The following CTLA4 variants were observed in gnomAD, a reference collection of about 807,000 sequenced individuals.
CTLA4 encodes cytotoxic T-lymphocyte associated protein 4.
A neutral mutation model predicts 20.4 loss-of-function variants in CTLA4; 3 were observed. That is an observed-to-expected ratio of 0.15 (90% confidence interval 0.07 to 0.38). CTLA4 has a LOEUF of 0.38. CTLA4 is among the 10% of genes least tolerant of loss of function. The pLI is 1.00. For missense variants in CTLA4, 184 were observed against 276.8 expected (o/e 0.66, Z 2.38); for synonymous variants, 100 against 105.2 (o/e 0.95, Z 0.30).
Position 203,870,241 on chromosome 2 carries a change from A to C in CTLA4, c.110-345A>C, listed in dbSNP as rs1307009840. ...TCATCTCATCTAATTATCTCTTACT[A>C]TATGTGAAAAAAATGAAGGACATGG... is the stretch of plus-strand genomic sequence containing the variant. On this transcript the variant is annotated intron_variant, in intron 1 of 3. Coordinates refer to ENST00000648405, the MANE Select transcript of CTLA4 (RefSeq NM_005214.5). The surrounding 1 kb of genome is among the most constrained non-coding windows in gnomAD (Gnocchi z 5.3). 3.0e-6 allele frequency: 1 copy of C among 331,182 alleles called. No individual in the cohort carries two copies. Among genetic ancestry groups the C allele is most frequent in the Non-Finnish European group, 5.7e-6 (1 of 176,282 alleles). The allele number at this position is 331,182 out of a possible 1,614,324, so 20.5% of individuals were successfully genotyped here. A position where few individuals can be genotyped will look rare whatever the true frequency, so the allele number is the denominator to read the frequency against.
rs1559592810 is a variant in CTLA4 at position 203,873,357 on chromosome 2, TATATATATATATATATATATATA to T, written c.*546_*568del. The T allele has an allele frequency of 1.1e-4, 6 of 54,424 alleles. No homozygotes were observed. The highest frequency in any genetic ancestry group is 4.5e-4 in the East Asian group (2 of 4,398). The allele number at this position is 54,424 out of a possible 1,614,324, so 3.4% of individuals were successfully genotyped here. A position where few individuals can be genotyped will look rare whatever the true frequency, so the allele number is the denominator to read the frequency against. ...ATATATATATATATATATATATATA[TATATATATATATATATATATATA>T]TATTTTAATTTGATAGTATTGTGCA... On this transcript the variant is annotated 3_prime_UTR_variant, in exon 4 of 4. Coordinates refer to ENST00000648405, the MANE Select transcript of CTLA4 (RefSeq NM_005214.5).
rs1183160831 is a variant in CTLA4, at chr2:203,870,307, A to T, written c.110-279A>T. 1 of 481,834 alleles carries T rather than the reference A, an allele frequency of 2.1e-6. No homozygotes were observed. The highest frequency in any genetic ancestry group is 1.9e-5 in the African/African-American group (1 of 51,756). 29.8% of individuals were successfully genotyped at this position (481,834 alleles called of 1,614,324 possible). A position where few individuals can be genotyped will look rare whatever the true frequency, so the allele number is the denominator to read the frequency against. On this transcript the variant is annotated intron_variant, in intron 1 of 3. Transcript: ENST00000648405. This position sits in a 1 kb window ranked among gnomAD's most constrained non-coding sequence, Gnocchi z 5.3. ...CCCCAAATCACATATTTCATGGTAG[A>T]GCCAGGTCTTCTGTTTGTCATATCA...
Position 203,870,952 on chromosome 2 carries a change from C to A in CTLA4, c.457+19C>A. The A allele has an allele frequency of 1.3e-6, 2 of 1,588,852 alleles. No homozygotes were observed. Among genetic ancestry groups the A allele is most frequent in the Non-Finnish European group, 1.7e-6 (2 of 1,159,192 alleles). ...GTAATTGGTGAGCAAAGCCATTTCA[C>A]TGAGTTGACACCTGTTGCATTGCAG... is the stretch of plus-strand genomic sequence containing the variant. On this transcript the variant is annotated intron_variant, in intron 2 of 3. Transcript: ENST00000648405. This position sits in a 1 kb window ranked among gnomAD's most constrained non-coding sequence, Gnocchi z 5.3.
chr2:203,871,268 T>C (rs897863463), intron 2 of CTLA4, 110 bp from the exon 3 acceptor site: 16 of 898,682 alleles, frequency 1.8e-5, no homozygotes, highest in Non-Finnish European at 2.6e-5. Context: ...AATTTAGGGG[T>C]GGACCTCAAG....
At chr2:203,869,243 A>G (rs1327039897) in intron 1 of CTLA4, among the ~76,000 whole-genome samples, 3 of 152,182 alleles carry the variant, frequency 2.0e-5, no homozygotes, top group African/African-American at 7.2e-5. Flanking sequence ...AAGAGTGAGG[A>G]GATATGATTA....
chr2:203,873,865 T>A lies in CTLA4; in HGVS notation c.*1053T>A, dbSNP rs1399333626. Reference sequence around the variant, plus strand: ...TGGGGTGCATGAAGGTTTCTGAAAATTAACACTGCTTGTGTTTTTAACTCA... The same window carrying A: ...TGGGGTGCATGAAGGTTTCTGAAAAATAACACTGCTTGTGTTTTTAACTCA... On this transcript the variant is annotated 3_prime_UTR_variant, in exon 4 of 4. Transcript: ENST00000648405. The A allele has an allele frequency of 4.3e-6, 1 of 230,926 alleles. No individual in the cohort carries two copies. Among genetic ancestry groups the A allele is most frequent in the African/African-American group, 2.2e-5 (1 of 45,182 alleles). The allele number at this position is 230,926 out of a possible 1,614,324, so 14.3% of individuals were successfully genotyped here.
intron 1 of CTLA4, among the ~76,000 whole-genome samples, chr2:203,868,792 G>C (rs546593404): frequency 1.8e-4 from 28 of 152,136 alleles, no homozygotes; most frequent in African/African-American, 6.5e-4. Context: ...ACTGACACCA[G>C]GTTTGTTACA....
chr2:203,870,544 G>A lies in CTLA4; in HGVS notation c.110-42G>A. 6.3e-7 allele frequency: 1 copy of A among 1,594,230 alleles called. No homozygotes were observed. The highest frequency in any genetic ancestry group is 2.2e-5 in the East Asian group (1 of 44,582). On this transcript the variant is annotated intron_variant, in intron 1 of 3. Coordinates refer to ENST00000648405, the MANE Select transcript of CTLA4 (RefSeq NM_005214.5). This position sits in a 1 kb window ranked among gnomAD's most constrained non-coding sequence, Gnocchi z 5.3. ...GGCTTGCCTGGGCTTGGCCATGAAG[G>A]AGCATGAGTTCACTGAGTTCCCTTT...
intron 3 of CTLA4, among the ~76,000 whole-genome samples, chr2:203,872,453 A>G (rs1279476731): frequency 6.6e-6 from 1 of 152,192 alleles, no homozygotes; most frequent in Non-Finnish European, 1.5e-5. Context: ...TTCTTTCTGA[A>G]GCTTTCTCAA....
chr2:203,867,891 T>C lies in CTLA4; in HGVS notation c.-52T>C. ...AACACATTTCAAAGCTTCAGGATCCTGAAAGGTTTTGCTCTACTTCCTGAA... is the reference window on the plus strand; with the variant it reads ...AACACATTTCAAAGCTTCAGGATCCCGAAAGGTTTTGCTCTACTTCCTGAA... On this transcript the variant is annotated 5_prime_UTR_variant, in exon 1 of 4. Transcript: ENST00000648405. 1 of 1,351,400 alleles carries C rather than the reference T, an allele frequency of 7.4e-7. No homozygotes were observed. Among genetic ancestry groups the C allele is most frequent in the Non-Finnish European group, 1.1e-6 (1 of 946,208 alleles). 83.7% of individuals were successfully genotyped at this position (1,351,400 alleles called of 1,614,324 possible).
intron 2 of CTLA4, among the ~76,000 whole-genome samples, chr2:203,871,150 G>A (rs547842934): frequency 4.6e-5 from 7 of 152,244 alleles, no homozygotes; most frequent in African/African-American, 7.2e-5. Flanking sequence ...TGGGGCTCTC[G>A]CTCTGGAGTG....
In CTLA4 at chr2:203,872,808, A is replaced by G. The variant is rs1444367175; in HGVS notation, c.668A>G (p.Asn223Ser). 12 of 1,593,520 alleles carry G rather than the reference A, an allele frequency of 7.5e-6. No individual in the cohort carries two copies. The highest frequency in any genetic ancestry group is 2.7e-5 in the African/African-American group (2 of 74,532). Residue 223 changes from asparagine to serine, a missense_variant, in exon 4 of 4, where the codon AAT becomes AGT. Asn to Ser is a conservative substitution (Grantham distance 46). Coordinates refer to ENST00000648405, the MANE Select transcript of CTLA4 (RefSeq NM_005214.5). ...TTTCAGCCTTATTTTATTCCCATCAATTGAGAAACCATTATGAAGAAGAGA... is the reference window on the plus strand; with the variant it reads ...TTTCAGCCTTATTTTATTCCCATCAGTTGAGAAACCATTATGAAGAAGAGA... ...KQFQPYFIPIN is the reference protein window; with the variant it reads ...KQFQPYFIPIS
At position 203,870,615 on chromosome 2, in the gene CTLA4, C is replaced by G; in HGVS notation, c.139C>G (p.Leu47Val). The change falls in exon 2 of 4, where the codon CTG (leucine) becomes GTG (valine). Residue 47 changes from leucine (L) to valine (V), a missense_variant. Coordinates refer to ENST00000648405, the MANE Select transcript of CTLA4 (RefSeq NM_005214.5). This position sits in a 1 kb window ranked among gnomAD's most constrained non-coding sequence, Gnocchi z 5.3. ...AMHVAQPAVV[L>V]ASSRGIASFV... ...GCACGTGGCCCAGCCTGCTGTGGTA[C>G]TGGCCAGCAGCCGAGGCATCGCCAG... 1 of 1,614,166 alleles carries G rather than the reference C, an allele frequency of 6.2e-7. No individual in the cohort carries two copies.
rs556813027 is a variant in CTLA4, at chr2:203,868,804, G to A, written c.109+753G>A. On this transcript the variant is annotated intron_variant, in intron 1 of 3. Transcript: ENST00000648405. ...GAGACTGACACCAGGTTTGTTACAC[G>A]GCTTAAAATGATGAGTATATCCATT... is the stretch of plus-strand genomic sequence containing the variant. Among the ~76,000 whole-genome samples, 12 of 152,166 alleles carry A rather than the reference G, an allele frequency of 7.9e-5. No individual in the cohort carries two copies. The South Asian group carries it at 1.9e-3, about 24-fold the overall frequency.
intron 1 of CTLA4, 70 bp downstream of exon 1, chr2:203,868,121 A>C: frequency 2.5e-6 from 3 of 1,188,860 alleles, no homozygotes; most frequent in Non-Finnish European, 3.8e-6. Context: ...TTGTTTCAGC[A>C]GTCAAAGGCA....
intron 3 of CTLA4, among the ~76,000 whole-genome samples, chr2:203,872,083 A>G (rs532646497): frequency 2.6e-5 from 4 of 152,216 alleles, no homozygotes; most frequent in Admixed American, 2.0e-4. Context: ...AAGAGGTAGA[A>G]TTATGGAATC....
intron 2 of CTLA4, 122 bp from the exon 3 acceptor site, chr2:203,871,256 G>A (rs1465284190): frequency 2.5e-6 from 2 of 793,842 alleles, no homozygotes; most frequent in East Asian, 2.5e-5. Context: ...GGCTACCCAT[G>A]CAATTTAGGG....
intron 3 of CTLA4, 51 bp downstream of exon 3, chr2:203,871,538 G>A: frequency 7.3e-7 from 1 of 1,365,870 alleles, no homozygotes; most frequent in Non-Finnish European, 1.0e-6. Flanking sequence ...ACCTTTAGTG[G>A]TATCAACTGG....
chr2:203,871,013 T>G, intron 2 of CTLA4, 80 bp downstream of exon 2: 1 of 1,148,952 alleles, frequency 8.7e-7, no homozygotes, highest in Non-Finnish European at 1.2e-6. Context: ...TTCCTTAATT[T>G]CAGGAGGTTT....
Sources: gnomAD v4.1 joint callset for allele counts (sites outside exome capture counted in the v4.1 genomes callset) on GRCh38, gnomAD v4.1.1 for gene constraint, Gnocchi (gnomAD v3.1) non-coding constraint, MANE v1.5 for transcripts, NCBI Gene and HGNC (gene_info 2026-07-23, HGNC 2026-07-21) for gene names.